SETBP1: variants seen among roughly 807,000 people sequenced by gnomAD.
The protein encoded by SETBP1 is SET-binding protein.
In SETBP1, 9 loss-of-function variants were observed where a neutral mutation model predicts 101.0. The observed-to-expected ratio is 0.09, with a 90% CI of 0.05 to 0.16. The LOEUF (loss-of-function observed/expected upper bound fraction) is 0.16. Among genes scored for constraint, SETBP1 ranks in the 10% least tolerant of loss-of-function variants. The pLI, the probability that SETBP1 is intolerant of heterozygous loss-of-function variation, is 1.00. For missense variants in SETBP1, 1,858 were observed against 2,033.8 expected (o/e 0.91, Z 1.66); for synonymous variants, 818 against 788.5 (o/e 1.04, Z -0.63).
intron 2 of SETBP1, among the ~76,000 whole-genome samples, chr18:44,812,075 G>A (rs1261969865): frequency 6.6e-6 from 1 of 152,120 alleles, no homozygotes; most frequent in Non-Finnish European, 1.5e-5. Flanking sequence ...TTAGGGGCCT[G>A]CAGAGAAGTG....
chr18:44,961,949 C>G (rs1178153974), intron 4 of SETBP1, among the ~76,000 whole-genome samples: 1 of 152,164 alleles, frequency 6.6e-6, no homozygotes, highest in Non-Finnish European at 1.5e-5. Flanking sequence ...TCTTACAGAG[C>G]TTTTTACTAT....
In SETBP1 at chr18:44,766,348, A is replaced by G. The variant is rs536606412; in HGVS notation, c.486+64516A>G. ...CAGGTCTGTAAATTGGAATGATGAT[A>G]TGGAACATTATTTAGCCTTAAAAAG... On this transcript the variant is annotated intron_variant, in intron 2 of 5. Coordinates refer to ENST00000649279, the MANE Select transcript of SETBP1 (RefSeq NM_015559.3). 5.3e-5 allele frequency among the ~76,000 whole-genome samples: 8 copies of G among 152,378 alleles called. No individual in the cohort carries two copies. The South Asian group carries it at 1.7e-3, about 32-fold the overall frequency.
chr18:45,029,236 C>G lies in SETBP1; in HGVS notation c.4001-9249C>G, dbSNP rs546846627. ...GTTTCAGCTTTCTACATATGGCTAG[C>G]CAGTTTTCCCAGCACCATTTATTAA... On this transcript the variant is annotated intron_variant, in intron 4 of 5. Transcript: ENST00000649279. Among the ~76,000 whole-genome samples, 1,196 of 152,202 alleles carry G rather than the reference C, an allele frequency of 7.9e-3. 18 individuals carry two copies. Among genetic ancestry groups the G allele is most frequent in the African/African-American group, 0.027 (1,127 of 41,500 alleles).
chr18:44,878,473 A>G (rs8084010), intron 3 of SETBP1, among the ~76,000 whole-genome samples: 115 of 152,196 alleles, frequency 7.6e-4, no homozygotes, highest in African/African-American at 2.7e-3. Flanking sequence ...TTATTACTAG[A>G]TTTAGTTACA....
At chr18:44,880,109 T>G (rs1209415642) in intron 3 of SETBP1, among the ~76,000 whole-genome samples, 2 of 152,180 alleles carry the variant, frequency 1.3e-5, no homozygotes, top group Non-Finnish European at 1.5e-5. Context: ...CCAAAGGGCA[T>G]TTGGCTGTTT....
intron 3 of SETBP1, among the ~76,000 whole-genome samples, chr18:44,915,994 G>A (rs1446368928): frequency 6.6e-6 from 1 of 152,168 alleles, no homozygotes; most frequent in Admixed American, 6.5e-5. Flanking sequence ...GGGAGGCCGA[G>A]TCAGGCAGAT....
At chr18:44,787,170 T>C (rs1338618942) in intron 2 of SETBP1, among the ~76,000 whole-genome samples, 3 of 152,142 alleles carry the variant, frequency 2.0e-5, no homozygotes, top group Non-Finnish European at 2.9e-5. Flanking sequence ...TGAGCATGAG[T>C]GGAACTAGGA....
Position 44,745,418 on chromosome 18 carries a change from C to G in SETBP1, c.486+43586C>G, listed in dbSNP as rs536430146. Among the ~76,000 whole-genome samples, 30 of 152,272 alleles carry G rather than the reference C, an allele frequency of 2.0e-4. 1 individual carries two copies. In the South Asian group the frequency reaches 5.0e-3, roughly 25 times the overall value. The stretch of plus-strand genomic sequence containing the variant: ...CGCAGCCTCAGTTCTGTCCTTGATT[C>G]ATTGTGTGACCTTGGGTCAGTCACT... On this transcript the variant is annotated intron_variant, in intron 2 of 5. Transcript: ENST00000649279.
chr18:45,048,016 C>T (rs1429790784), intron 5 of SETBP1, among the ~76,000 whole-genome samples: 1 of 152,162 alleles, frequency 6.6e-6, no homozygotes. Flanking sequence ...GGACTTTTGC[C>T]AAACACTTCA....
chr18:44,978,358 G>A (rs1414761602), intron 4 of SETBP1, among the ~76,000 whole-genome samples: 9 of 152,128 alleles, frequency 5.9e-5, no homozygotes, highest in Non-Finnish European at 1.3e-4. Context: ...GGGATAAGTT[G>A]TCTGCCCGTG....
chr18:44,833,466 T>A (rs2072422688), intron 2 of SETBP1, among the ~76,000 whole-genome samples: 1 of 152,184 alleles, frequency 6.6e-6, no homozygotes. Context: ...GACTGGGAAG[T>A]ACAGGCATGG....
intron 2 of SETBP1, among the ~76,000 whole-genome samples, chr18:44,805,213 G>A (rs2071701704): frequency 1.3e-5 from 2 of 152,140 alleles, no homozygotes; most frequent in Admixed American, 1.3e-4. Flanking sequence ...CTTTAAAGAT[G>A]AGAAACCGTT....
intron 2 of SETBP1, among the ~76,000 whole-genome samples, chr18:44,866,836 A>G (rs998532958): frequency 6.6e-6 from 1 of 152,230 alleles, no homozygotes; most frequent in Admixed American, 6.5e-5. Flanking sequence ...GTCATTATCA[A>G]TTAAATACAA....
intron 2 of SETBP1, among the ~76,000 whole-genome samples, chr18:44,854,028 T>C (rs2072923915): frequency 1.3e-5 from 2 of 152,202 alleles, no homozygotes; most frequent in African/African-American, 4.8e-5. Context: ...CATTACTTTT[T>C]CTTGAACTTA....
chr18:44,764,175 C>T (rs73952923), intron 2 of SETBP1, among the ~76,000 whole-genome samples: 4 of 152,302 alleles, frequency 2.6e-5, no homozygotes, highest in African/African-American at 7.2e-5. Context: ...TGACCTGGTC[C>T]GTTAGCTGTT....
At chr18:45,043,460 G>A (rs1171460148) in intron 5 of SETBP1, among the ~76,000 whole-genome samples, 1 of 150,096 alleles carries the variant, frequency 6.7e-6, no homozygotes, top group African/African-American at 2.5e-5. Context: ...AAGCAAACAT[G>A]TATCAGCCAT....
At chr18:44,718,675 T>A (rs563456170) in intron 2 of SETBP1, among the ~76,000 whole-genome samples, 2 of 152,208 alleles carry the variant, frequency 1.3e-5, no homozygotes, top group Admixed American at 1.3e-4. Flanking sequence ...GTATTGTCCC[T>A]CAGATGTTGC....
chr18:45,022,817 G>A (rs766115244), intron 4 of SETBP1, among the ~76,000 whole-genome samples: 22 of 152,168 alleles, frequency 1.4e-4, no homozygotes, highest in Non-Finnish European at 2.9e-4. Flanking sequence ...GCAACAGAGC[G>A]AGACTCCATC....
At chr18:44,992,696 A>T (rs2072404872) in intron 4 of SETBP1, among the ~76,000 whole-genome samples, 1 of 152,060 alleles carries the variant, frequency 6.6e-6, no homozygotes, top group African/African-American at 2.4e-5. Flanking sequence ...TCATTAAATA[A>T]ATAGAATCAA....
Sources: allele counts gnomAD v4.1 joint callset (sites outside exome capture counted in the v4.1 genomes callset), GRCh38; gene constraint gnomAD v4.1.1; transcripts MANE v1.5; gene names NCBI Gene and HGNC (gene_info 2026-07-23, HGNC 2026-07-21).